SNX4: variants seen among roughly 807,000 people sequenced by gnomAD.
SNX4 encodes sorting nexin-4.
In SNX4, 49 loss-of-function variants were observed where a neutral mutation model predicts 70.8. That is an observed-to-expected ratio of 0.69 (90% CI 0.55 to 0.88). SNX4 has a LOEUF of 0.88. Among genes scored for constraint, SNX4 ranks in the 40% least tolerant of loss-of-function variants. The pLI is 0.00. For synonymous variants in SNX4, 206 were observed against 183.8 expected (o/e 1.12, Z -0.98); for missense variants, 528 against 544.8 (o/e 0.97, Z 0.31).
At chr3:125,463,147 T>C (rs571049847) in intron 9 of SNX4, among the ~76,000 whole-genome samples, 1 of 152,274 alleles carries the variant, frequency 6.6e-6, no homozygotes, top group East Asian at 1.9e-4. Flanking sequence ...AACAAAACTA[T>C]GCTAAGGGTC....
rs112233349 is a variant in SNX4 at position 125,497,875 on chromosome 3, T to C, written c.508A>G (p.Ile170Val). ...TAGAAGATTTTGTCTCTACAAAGGA[T>C]GGGATGTGAAGCAATCCTCAAGAGA... ...NFLLRIASHP[I>V]LCRDKIFYLF... is the part of the protein sequence containing the mutation. Residue 170 changes from isoleucine to valine, a missense_variant, in exon 4 of 14, where the codon ATC (isoleucine) becomes GTC (valine). Physicochemically the swap from Ile to Val is conservative, Grantham distance 29. Coordinates refer to ENST00000251775, the MANE Select transcript of SNX4 (RefSeq NM_003794.4). 5.0e-6 allele frequency: 8 copies of C among 1,613,974 alleles called. No homozygotes were observed. The African/African-American group carries it at 6.7e-5, about 13-fold the overall frequency.
At position 125,520,178 on chromosome 3, in the gene SNX4, C is replaced by T. The variant is rs562000732; in HGVS notation, c.-6G>A. On this transcript the variant is annotated 5_prime_UTR_variant, in exon 1 of 14. Coordinates refer to ENST00000251775, the MANE Select transcript of SNX4 (RefSeq NM_003794.4). ...TCCGGAGGTGCCTGCTCCATGGCTGCAGTTCGGCGCGGCGAACCCAGTGCG... is the reference window on the plus strand; with the variant it reads ...TCCGGAGGTGCCTGCTCCATGGCTGTAGTTCGGCGCGGCGAACCCAGTGCG... 7 of 1,358,010 alleles carry T rather than the reference C, an allele frequency of 5.2e-6. No homozygotes were observed. The highest frequency in any genetic ancestry group is 5.7e-6 in the Non-Finnish European group (6 of 1,057,328). The allele number at this position is 1,358,010 out of a possible 1,614,324, so 84.1% of individuals were successfully genotyped here.
intron 1 of SNX4, among the ~76,000 whole-genome samples, chr3:125,518,002 A>G (rs1935318019): frequency 6.6e-6 from 1 of 152,112 alleles, no homozygotes; most frequent in Admixed American, 6.6e-5. Context: ...AATGTCAGGA[A>G]GTAGTATGTA....
intron 9 of SNX4, among the ~76,000 whole-genome samples, chr3:125,462,101 C>T (rs1462173242): frequency 6.6e-6 from 1 of 152,182 alleles, no homozygotes; most frequent in Admixed American, 6.5e-5. Context: ...GCACATGTCT[C>T]AACACCTCTA....
At chr3:125,460,495 C>T (rs554859144) in intron 10 of SNX4, among the ~76,000 whole-genome samples, 2 of 152,204 alleles carry the variant, frequency 1.3e-5, no homozygotes, top group Admixed American at 1.3e-4. Flanking sequence ...ATTTTGCTTC[C>T]AATCTTCAAA....
chr3:125,451,617 C>T lies in SNX4; in HGVS notation c.1191-198G>A, dbSNP rs112942447. 2.7e-3 allele frequency among the ~76,000 whole-genome samples: 416 copies of T among 152,002 alleles called. 1 individual carries two copies. Among genetic ancestry groups the T allele is most frequent in the African/African-American group, 9.1e-3 (376 of 41,494 alleles). ...AACAGACAGTCATATATTCTTGTAC[C>T]TTTTAATCTACTTTTTCTTTTTTTT... On this transcript the variant is annotated intron_variant, in intron 12 of 13. Transcript: ENST00000251775.
chr3:125,459,500 G>A (rs750475548), intron 10 of SNX4, among the ~76,000 whole-genome samples: 8 of 152,008 alleles, frequency 5.3e-5, no homozygotes, highest in Non-Finnish European at 7.4e-5. Flanking sequence ...GTAATGGTGC[G>A]ATCTCGGCTC....
intron 6 of SNX4, among the ~76,000 whole-genome samples, chr3:125,486,353 T>G (rs1345695863): frequency 2.0e-5 from 3 of 151,840 alleles, no homozygotes; most frequent in Non-Finnish European, 2.9e-5. Flanking sequence ...TACGTATAAG[T>G]TAAGTTACAT....
At chr3:125,458,894 C>A (rs1387952476) in intron 10 of SNX4, among the ~76,000 whole-genome samples, 2 of 138,818 alleles carry the variant, frequency 1.4e-5, no homozygotes, top group Non-Finnish European at 3.1e-5. Flanking sequence ...AAAAAAGAGG[C>A]TGGGCATGGT....
At chr3:125,496,577 T>C (rs1266805364) in intron 5 of SNX4, among the ~76,000 whole-genome samples, 1 of 152,146 alleles carries the variant, frequency 6.6e-6, no homozygotes, top group Admixed American at 6.5e-5. Flanking sequence ...TCTGTTAGTC[T>C]ACTTACCTAT....
At chr3:125,513,069 T>C (rs1242776801) in intron 1 of SNX4, among the ~76,000 whole-genome samples, 3 of 152,238 alleles carry the variant, frequency 2.0e-5, no homozygotes. Context: ...AATGTTTGTG[T>C]CCTCCTAAAA....
At chr3:125,490,853 G>T (rs1934644331) in intron 5 of SNX4, among the ~76,000 whole-genome samples, 1 of 151,154 alleles carries the variant, frequency 6.6e-6, no homozygotes, top group African/African-American at 2.4e-5. Flanking sequence ...GTTCATAAAA[G>T]GTAGCTCAAT....
chr3:125,483,976 G>C (rs1024474741), intron 6 of SNX4, among the ~76,000 whole-genome samples: 1 of 152,112 alleles, frequency 6.6e-6, no homozygotes, highest in Non-Finnish European at 1.5e-5. Flanking sequence ...CATATATAAC[G>C]TCAGAATGTT....
At chr3:125,454,431 G>A (rs1314778996) in intron 11 of SNX4, among the ~76,000 whole-genome samples, 1 of 152,202 alleles carries the variant, frequency 6.6e-6, no homozygotes, top group Non-Finnish European at 1.5e-5. Flanking sequence ...GATCTGAAAT[G>A]AAACAGTTTC....
intron 1 of SNX4, among the ~76,000 whole-genome samples, chr3:125,509,024 G>C (rs1257479910): frequency 6.6e-6 from 1 of 152,080 alleles, no homozygotes; most frequent in Non-Finnish European, 1.5e-5. Flanking sequence ...AATTAAAAAT[G>C]TCGTGCATCA....
At chr3:125,464,410 T>A (rs528101768) in intron 9 of SNX4, among the ~76,000 whole-genome samples, 2 of 152,068 alleles carry the variant, frequency 1.3e-5, no homozygotes, top group African/African-American at 4.8e-5. Context: ...ATGAGCCGAA[T>A]TGAATTAGTT....
chr3:125,475,987 A>T (rs115139378), intron 8 of SNX4, among the ~76,000 whole-genome samples: 10,232 of 151,670 alleles, frequency 0.067, 476 homozygotes, highest in Non-Finnish European at 0.1. Flanking sequence ...TTAAAAAAAA[A>T]ACCGGGTGCA....
intron 1 of SNX4, among the ~76,000 whole-genome samples, chr3:125,518,333 G>A (rs1241909601): frequency 6.6e-6 from 1 of 151,284 alleles, no homozygotes; most frequent in Admixed American, 6.6e-5. Context: ...GTGGTGGCAT[G>A]CATCTGTAGT....
chr3:125,455,997 G>A (rs77379202), intron 11 of SNX4, among the ~76,000 whole-genome samples: 1 of 152,008 alleles, frequency 6.6e-6, no homozygotes, highest in Non-Finnish European at 1.5e-5. Flanking sequence ...AGCGAAACTC[G>A]GTCTAAAAAC....
Sources: allele counts gnomAD v4.1 joint callset (sites outside exome capture counted in the v4.1 genomes callset), GRCh38; gene constraint gnomAD v4.1.1; transcripts MANE v1.5; gene names NCBI Gene and HGNC (gene_info 2026-07-23, HGNC 2026-07-21).